The following CCAR1 variants were observed in gnomAD, a reference collection of about 807,000 sequenced individuals.
CCAR1 encodes the protein cell division cycle and apoptosis regulator 1, also known as cell division cycle and apoptosis regulator protein 1.
In CCAR1, 78 loss-of-function variants were observed where a neutral mutation model predicts 163.8. The ratio of observed to expected loss-of-function variants is 0.48; its 90% CI spans 0.40 to 0.57. The LOEUF (loss-of-function observed/expected upper bound fraction) is 0.57. Ranked by LOEUF, CCAR1 falls within the 20% of genes least tolerant of loss-of-function variation. The pLI is 0.00. For synonymous variants in CCAR1, 443 were observed against 460.7 expected (o/e 0.96, Z 0.49); for missense variants, 1,019 against 1,365.2 (o/e 0.75, Z 4.00).
chr10:68,738,034 A>G (rs1030102792), intron 4 of CCAR1, 145 bp downstream of exon 4: 29 of 566,934 alleles, frequency 5.1e-5, no homozygotes, highest in Non-Finnish European at 7.7e-5. Flanking sequence ...TAGGTAGGAA[A>G]AAAGGAACGT....
intron 2 of CCAR1, 71 bp from the exon 3 acceptor site, chr10:68,736,805 G>A (rs2056116736): frequency 2.2e-6 from 3 of 1,375,692 alleles, no homozygotes; most frequent in Middle Eastern, 1.9e-4. Context: ...TCTCTTCTAT[G>A]TACTGTTTTC....
chr10:68,755,049 T>C, intron 12 of CCAR1: 1 of 595,232 alleles, frequency 1.7e-6, no homozygotes, highest in East Asian at 2.8e-5. Flanking sequence ...TGATGTTTTA[T>C]ATTTGTAACA....
At chr10:68,786,363 G>A in intron 20 of CCAR1, 145 bp downstream of exon 20, 1 of 746,732 alleles carries the variant, frequency 1.3e-6, no homozygotes, top group East Asian at 2.7e-5. Context: ...GGCTATGTCA[G>A]ATAACTAGTA....
chr10:68,768,561 A>G (rs1010367909), intron 17 of CCAR1, among the ~76,000 whole-genome samples: 9 of 152,254 alleles, frequency 5.9e-5, no homozygotes, highest in African/African-American at 2.2e-4. Context: ...TCGTGAGCCA[A>G]GATTGTGCCA....
chr10:68,746,951 T>A (rs1035530709), intron 6 of CCAR1, among the ~76,000 whole-genome samples: 85 of 152,188 alleles, frequency 5.6e-4, no homozygotes, highest in African/African-American at 1.9e-3. Context: ...TGCAGGTTAG[T>A]TACATATGTA....
intron 19 of CCAR1, among the ~76,000 whole-genome samples, chr10:68,784,330 C>G (rs1279360983): frequency 6.6e-6 from 1 of 152,038 alleles, no homozygotes; most frequent in Non-Finnish European, 1.5e-5. Context: ...ATTCTCCAGC[C>G]TCAGCCTCCT....
chr10:68,773,014 TA>T lies in CCAR1; in HGVS notation c.2568del (p.Asp857MetfsTer34). ...KKEDKRKDDS[K>X]DDDETEEDNN... Reference sequence around the variant, plus strand: ...AAGAAGATAAAAGAAAAGATGATTCTAAAGATGATGATGAAACTGAAGAAGA... The same window carrying T: ...AAGAAGATAAAAGAAAAGATGATTCTAAGATGATGATGAAACTGAAGAAGA... On this transcript the variant is annotated frameshift_variant, in exon 19 of 25. Transcript: ENST00000265872. LOFTEE classifies it high-confidence loss of function. The T allele has an allele frequency of 6.7e-7, 1 of 1,498,940 alleles. No individual in the cohort carries two copies. The highest frequency in any genetic ancestry group is 9.1e-7 in the Non-Finnish European group (1 of 1,093,100). The allele number at this position is 1,498,940 out of a possible 1,614,324, so 92.9% of individuals were successfully genotyped here.
intron 17 of CCAR1, among the ~76,000 whole-genome samples, chr10:68,770,938 C>T (rs961875699): frequency 1.3e-5 from 2 of 151,892 alleles, no homozygotes; most frequent in African/African-American, 2.4e-5. Flanking sequence ...ATTAGCCGGG[C>T]GTGGTGGCGG....
chr10:68,779,203 A>G (rs1444946521), intron 19 of CCAR1, among the ~76,000 whole-genome samples: 1 of 152,002 alleles, frequency 6.6e-6, no homozygotes, highest in Non-Finnish European at 1.5e-5. Context: ...GTATCAGTAA[A>G]TGTATTAAAT....
chr10:68,723,692 CA>C (rs1452472707), intron 2 of CCAR1, among the ~76,000 whole-genome samples: 2 of 149,868 alleles, frequency 1.3e-5, no homozygotes, highest in South Asian at 4.3e-4. Context: ...ACTAAAAATA[CA>C]AAAAATTAGT....
intron 21 of CCAR1, among the ~76,000 whole-genome samples, chr10:68,787,590 CTTTGGGAGGCGGAGGA>C (rs1443800284): frequency 1.3e-5 from 2 of 152,014 alleles, no homozygotes. Flanking sequence ...AATCCCAGCA[CTTTGGGAGGCGGAGGA>C]GGGTGGATCA....
intron 16 of CCAR1, among the ~76,000 whole-genome samples, chr10:68,764,069 CACTT>C (rs2056507359): frequency 6.6e-6 from 1 of 152,138 alleles, no homozygotes; most frequent in African/African-American, 2.4e-5. Context: ...AGATAGCTAA[CACTT>C]ACAAATATTT....
In CCAR1 at chr10:68,765,586, A is replaced by C. The variant is rs530845702; in HGVS notation, c.2107-302A>C. On this transcript the variant is annotated intron_variant, in intron 16 of 24. Transcript: ENST00000265872. ...ATCTAAAACCTATGCTACCACTACT[A>C]TTTTCCGAGAATTTTCTAATTTATA... Among the ~76,000 whole-genome samples the C allele has an allele frequency of 1.6e-4, 25 of 152,146 alleles. No individual in the cohort carries two copies. The South Asian group carries it at 3.5e-3, about 21-fold the overall frequency.
At chr10:68,787,787 A>G (rs1487168583) in intron 21 of CCAR1, 140 bp from the exon 22 acceptor site, 90 of 697,184 alleles carry the variant, frequency 1.3e-4, no homozygotes, top group Non-Finnish European at 5.8e-5. Flanking sequence ...GTGAGTCGAG[A>G]TCACACCACT....
intron 15 of CCAR1, among the ~76,000 whole-genome samples, chr10:68,758,081 G>T (rs906576140): frequency 1.3e-5 from 2 of 152,100 alleles, no homozygotes. Context: ...TTGAGACAGA[G>T]TCTTGCTGTG....
intron 2 of CCAR1, among the ~76,000 whole-genome samples, chr10:68,730,956 T>C (rs1202506497): frequency 6.6e-6 from 1 of 152,092 alleles, no homozygotes; most frequent in African/African-American, 2.4e-5. Context: ...GCCTCCCAAA[T>C]TGCTGGGATT....
At chr10:68,788,853 T>A (rs981218176) in intron 23 of CCAR1, among the ~76,000 whole-genome samples, 2 of 152,162 alleles carry the variant, frequency 1.3e-5, no homozygotes, top group African/African-American at 4.8e-5. Context: ...ATCTTAGGTC[T>A]TCCTGTGTAT....
chr10:68,740,727 A>G, intron 5 of CCAR1, 66 bp downstream of exon 5: 4 of 1,269,854 alleles, frequency 3.1e-6, no homozygotes, highest in East Asian at 2.4e-5. Flanking sequence ...CTTTATTAGT[A>G]TTCTACTTTT....
chr10:68,773,707 C>A (rs567444787), intron 19 of CCAR1, among the ~76,000 whole-genome samples: 21 of 151,766 alleles, frequency 1.4e-4, no homozygotes, highest in African/African-American at 4.6e-4. Context: ...GTTTCATATA[C>A]TAATTTTTTA....
Sources: gnomAD v4.1 joint callset for allele counts (sites outside exome capture counted in the v4.1 genomes callset) on GRCh38, gnomAD v4.1.1 for gene constraint, MANE v1.5 for transcripts, NCBI Gene and HGNC (gene_info 2026-07-23, HGNC 2026-07-21) for gene names.